The following AAK1 variants were observed in gnomAD, a reference collection of about 807,000 sequenced individuals.
AAK1 encodes the protein AP2 associated kinase 1.
Under a neutral mutation model 116.0 loss-of-function variants are expected in AAK1, and 37 were observed. The ratio of observed to expected loss-of-function variants is 0.32; its 90% CI spans 0.25 to 0.42. The LOEUF is 0.42. Ranked by LOEUF, AAK1 falls within the 10% of genes least tolerant of loss-of-function variation. AAK1 has a pLI of 1.00. For synonymous variants in AAK1, 458 were observed against 439.9 expected (o/e 1.04, Z -0.51); for missense variants, 919 against 1,170.6 (o/e 0.79, Z 3.14).
intron 2 of AAK1, among the ~76,000 whole-genome samples, chr2:69,615,975 C>A (rs1162748119): frequency 6.6e-6 from 1 of 152,146 alleles, no homozygotes; most frequent in Non-Finnish European, 1.5e-5. Flanking sequence ...GTGGCTCATG[C>A]CTGTAATCAC....
chr2:69,615,020 G>A (rs965075363), intron 2 of AAK1, among the ~76,000 whole-genome samples: 8 of 152,204 alleles, frequency 5.3e-5, no homozygotes, highest in Non-Finnish European at 2.9e-5. Context: ...ACTGGTGTAA[G>A]CCACCCAGTT....
Position 69,472,071 on chromosome 2 carries a change from C to A in AAK1, c.*3798G>T. The A allele has an allele frequency of 3.0e-6, 3 of 985,148 alleles. No individual in the cohort carries two copies. The highest frequency in any genetic ancestry group is 2.4e-6 in the Non-Finnish European group (2 of 829,678). The allele number at this position is 985,148 out of a possible 1,614,324, so 61.0% of individuals were successfully genotyped here. A position where few individuals can be genotyped will look rare whatever the true frequency, so the allele number is the denominator to read the frequency against. ...TTCAGAGGTGTTTTAATACCCATAT[C>A]TTTCAATGTTTTAAACCATTCTAAA... On this transcript the variant is annotated 3_prime_UTR_variant, in exon 22 of 22. Coordinates refer to ENST00000409085, the MANE Select transcript of AAK1 (RefSeq NM_014911.5).
rs1418702403 is a variant in AAK1, at chr2:69,470,214, A to T, written c.*5655T>A. 7 of 985,334 alleles carry T rather than the reference A, an allele frequency of 7.1e-6. No individual in the cohort carries two copies. Among genetic ancestry groups the T allele is most frequent in the Non-Finnish European group, 8.4e-6 (7 of 829,938 alleles). The allele number at this position is 985,334 out of a possible 1,614,324, so 61.0% of individuals were successfully genotyped here. On this transcript the variant is annotated 3_prime_UTR_variant, in exon 22 of 22. Transcript: ENST00000409085. ...GGTTACAGGGAGTATCAAAGATATGATTCTTGCCAAAAACAGAAAACGAAG... is the reference window on the plus strand; with the variant it reads ...GGTTACAGGGAGTATCAAAGATATGTTTCTTGCCAAAAACAGAAAACGAAG...
At position 69,475,573 on chromosome 2, in the gene AAK1, C is replaced by T; in HGVS notation, c.*296G>A. On this transcript the variant is annotated 3_prime_UTR_variant, in exon 22 of 22. Coordinates refer to ENST00000409085, the MANE Select transcript of AAK1 (RefSeq NM_014911.5). Reference sequence around the variant, plus strand: ...GTTAAGCTTTTGGTGGAGTTGATTCCAGCAGAGGTGAAGCTCATGGCATCT... The same window carrying T: ...GTTAAGCTTTTGGTGGAGTTGATTCTAGCAGAGGTGAAGCTCATGGCATCT... 1 of 1,129,298 alleles carries T rather than the reference C, an allele frequency of 8.9e-7. No homozygotes were observed. Among genetic ancestry groups the T allele is most frequent in the South Asian group, 3.5e-5 (1 of 28,950 alleles). 70.0% of individuals were successfully genotyped at this position (1,129,298 alleles called of 1,614,324 possible). A position where few individuals can be genotyped will look rare whatever the true frequency, so the allele number is the denominator to read the frequency against.
chr2:69,542,416 G>A, intron 5 of AAK1, 107 bp downstream of exon 5: 1 of 1,343,434 alleles, frequency 7.4e-7, no homozygotes. Flanking sequence ...ATAAAAACAG[G>A]GACCATATCT....
At position 69,459,104 on chromosome 2, in the gene AAK1, G is replaced by C. The variant is rs1293099503; in HGVS notation, c.*16765C>G. On this transcript the variant is annotated 3_prime_UTR_variant, in exon 22 of 22. Transcript: ENST00000409085. ...GGTTACCATGTAGCCATTTTTACCAGCTATTCTAGAGTCCCTTCACACATA... is the reference window on the plus strand; with the variant it reads ...GGTTACCATGTAGCCATTTTTACCACCTATTCTAGAGTCCCTTCACACATA... 1 of 152,156 alleles carries C rather than the reference G, an allele frequency of 6.6e-6. No homozygotes were observed. The highest frequency in any genetic ancestry group is 1.5e-5 in the Non-Finnish European group (1 of 68,038). 9.4% of individuals were successfully genotyped at this position (152,156 alleles called of 1,614,324 possible). A position where few individuals can be genotyped will look rare whatever the true frequency, so the allele number is the denominator to read the frequency against.
rs770651341 is a variant in AAK1, at chr2:69,476,904, C to T, written c.2767G>A (p.Val923Ile). 8 of 1,613,548 alleles carry T rather than the reference C, an allele frequency of 5.0e-6. No individual in the cohort carries two copies. The highest frequency in any genetic ancestry group is 1.1e-5 in the South Asian group (1 of 91,024). Residue 923 changes from valine (V) to isoleucine (I), a missense_variant, in exon 21 of 22, where the codon GTA becomes ATA. This residue lies in a region of AAK1 where 263 missense variants were observed against 285.5 expected (regional missense o/e 0.92). Coordinates refer to ENST00000409085, the MANE Select transcript of AAK1 (RefSeq NM_014911.5). ...VAEDEFDPIP[V>I]LITKNPQGGH... The stretch of plus-strand genomic sequence containing the variant: ...CCTTGTGGGTTTTTGGTTATCAATA[C>T]AGGAATAGGGTCAAACTCATCTTCA...
At chr2:69,576,647 T>C (rs572396352) in intron 2 of AAK1, among the ~76,000 whole-genome samples, 2 of 152,306 alleles carry the variant, frequency 1.3e-5, no homozygotes, top group Admixed American at 6.5e-5. Context: ...AATGGAGGTA[T>C]AAACACATAA....
chr2:69,474,474 T>C lies in AAK1; in HGVS notation c.*1395A>G, dbSNP rs776277085. 3.0e-6 allele frequency: 3 copies of C among 985,490 alleles called. No individual in the cohort carries two copies. The highest frequency in any genetic ancestry group is 1.7e-5 in the African/African-American group (1 of 57,328). The allele number at this position is 985,490 out of a possible 1,614,324, so 61.0% of individuals were successfully genotyped here. On this transcript the variant is annotated 3_prime_UTR_variant, in exon 22 of 22. Coordinates refer to ENST00000409085, the MANE Select transcript of AAK1 (RefSeq NM_014911.5). ...ACCATGAGGCATGTTGTCATGTTAGTGCAGGGGCCTTTATTTATTTTATGA... is the reference window on the plus strand; with the variant it reads ...ACCATGAGGCATGTTGTCATGTTAGCGCAGGGGCCTTTATTTATTTTATGA...
chr2:69,628,787 G>A (rs562172295), intron 2 of AAK1, among the ~76,000 whole-genome samples: 67 of 152,162 alleles, frequency 4.4e-4, no homozygotes, highest in African/African-American at 1.4e-3. Flanking sequence ...ATTGGTGAGC[G>A]AGCCACCTAG....
Position 69,643,709 on chromosome 2 carries a change from C to T in AAK1, c.-369G>A. 3 of 1,215,784 alleles carry T rather than the reference C, an allele frequency of 2.5e-6. No homozygotes were observed. In the East Asian group the frequency reaches 9.9e-5, roughly 40 times the overall value. 75.3% of individuals were successfully genotyped at this position (1,215,784 alleles called of 1,614,324 possible). A position where few individuals can be genotyped will look rare whatever the true frequency, so the allele number is the denominator to read the frequency against. On this transcript the variant is annotated 5_prime_UTR_variant, in exon 1 of 22. Coordinates refer to ENST00000409085, the MANE Select transcript of AAK1 (RefSeq NM_014911.5). ...CCGCGCTCGGCTCCCGCCCGCCCGC[C>T]AGCTGATCCCGGGAGCGCCGGGCGG...
chr2:69,641,061 C>A (rs573025145), intron 2 of AAK1, among the ~76,000 whole-genome samples: 2 of 152,164 alleles, frequency 1.3e-5, no homozygotes, highest in Non-Finnish European at 2.9e-5. Flanking sequence ...ATACGTGATG[C>A]GCAGTTCTCA....
At chr2:69,530,486 TC>T in intron 7 of AAK1, 138 bp downstream of exon 7, 1 of 646,486 alleles carries the variant, frequency 1.5e-6, no homozygotes, top group Non-Finnish European at 2.6e-6. Context: ...TATTCTCACA[TC>T]AAGAATAACC....
intron 21 of AAK1, among the ~76,000 whole-genome samples, chr2:69,476,550 G>T (rs527247781): frequency 6.6e-6 from 1 of 152,094 alleles, no homozygotes; most frequent in Non-Finnish European, 1.5e-5. Flanking sequence ...ATTTATTATG[G>T]ATTATTCTAA....
intron 16 of AAK1, among the ~76,000 whole-genome samples, chr2:69,503,633 C>T (rs968221025): frequency 1.3e-5 from 2 of 152,208 alleles, no homozygotes; most frequent in Admixed American, 1.3e-4. Context: ...GATCCTCCCA[C>T]CTGAGCCACC....
chr2:69,585,711 C>T lies in AAK1; in HGVS notation c.164-28733G>A, dbSNP rs1037156575. 3.3e-5 allele frequency among the ~76,000 whole-genome samples: 5 copies of T among 152,160 alleles called. No homozygotes were observed. The East Asian group carries it at 9.6e-4, about 29-fold the overall frequency. The stretch of plus-strand genomic sequence containing the variant: ...CCCAAAAAGTATGTTTGGACTAGAT[C>T]AAAAGTTTTACATATGATGTGGCAT... On this transcript the variant is annotated intron_variant, in intron 2 of 21. Coordinates refer to ENST00000409085, the MANE Select transcript of AAK1 (RefSeq NM_014911.5).
At position 69,462,693 on chromosome 2, in the gene AAK1, T is replaced by C. The variant is rs866848105; in HGVS notation, c.*13176A>G. 15 of 151,172 alleles carry C rather than the reference T, an allele frequency of 9.9e-5. No individual in the cohort carries two copies. The highest frequency in any genetic ancestry group is 3.3e-4 in the Admixed American group (5 of 15,182). 9.4% of individuals were successfully genotyped at this position (151,172 alleles called of 1,614,324 possible). On this transcript the variant is annotated 3_prime_UTR_variant, in exon 22 of 22. Transcript: ENST00000409085. ...GCCGTCTTGAAAAAAAAAAAAAAAA[T>C]TTCTGAGTTGGGGTGAGAAATCTCC...
chr2:69,626,260 AATT>A (rs1261432371), intron 2 of AAK1, among the ~76,000 whole-genome samples: 3 of 151,548 alleles, frequency 2.0e-5, no homozygotes. Flanking sequence ...AAAATAATAC[AATT>A]ATTATTAAGA....
At position 69,466,004 on chromosome 2, in the gene AAK1, G is replaced by A. The variant is rs964294496; in HGVS notation, c.*9865C>T. The stretch of plus-strand genomic sequence containing the variant: ...TAGTGAAAGGAGCTCTCAAAAACAC[G>A]TCTGACTCCTCTGGCTGGGAAGGAG... On this transcript the variant is annotated 3_prime_UTR_variant, in exon 22 of 22. Transcript: ENST00000409085. 1.7e-5 allele frequency: 22 copies of A among 1,290,730 alleles called. No individual in the cohort carries two copies. The highest frequency in any genetic ancestry group is 4.6e-5 in the Admixed American group (2 of 43,534). 80.0% of individuals were successfully genotyped at this position (1,290,730 alleles called of 1,614,324 possible). A position where few individuals can be genotyped will look rare whatever the true frequency, so the allele number is the denominator to read the frequency against.
Sources: gnomAD v4.1 joint callset for allele counts (sites outside exome capture counted in the v4.1 genomes callset) on GRCh38, gnomAD v4.1.1 for gene constraint, gnomAD v4.1.1 regional missense constraint, MANE v1.5 for transcripts, NCBI Gene and HGNC (gene_info 2026-07-23, HGNC 2026-07-21) for gene names.